Variants in MINDY3 observed in about 807,000 individuals in gnomAD.
MINDY3 encodes the protein MINDY lysine 48 deubiquitinase 3.
MINDY3 carries 38 observed loss-of-function variants against 69.2 expected under a neutral mutation model. The ratio of observed to expected loss-of-function variants is 0.55; its 90% CI spans 0.42 to 0.72. The LOEUF (loss-of-function observed/expected upper bound fraction) is 0.72. Among genes scored for constraint, MINDY3 ranks in the 30% least tolerant of loss-of-function variants. The pLI is 0.00. For missense variants in MINDY3, 522 were observed against 519.0 expected, an observed-to-expected ratio of 1.01 and a Z score of -0.06; for synonymous variants, 192 against 180.1, an observed-to-expected ratio of 1.07 and a Z score of -0.53.
Position 15,845,561 on chromosome 10 carries a change from A to G in MINDY3, c.175-2289T>C, listed in dbSNP as rs527260405. Reference sequence around the variant, plus strand: ...ATTGCCCAGGTTGGAGGGCAGTGGCATGATCATAGCTCACTGCAGCCCTGA... The same window carrying G: ...ATTGCCCAGGTTGGAGGGCAGTGGCGTGATCATAGCTCACTGCAGCCCTGA... On this transcript the variant is annotated intron_variant, in intron 2 of 14. Coordinates refer to ENST00000277632, the MANE Select transcript of MINDY3 (RefSeq NM_024948.4). Among the ~76,000 whole-genome samples, 53 of 152,144 alleles carry G rather than the reference A, an allele frequency of 3.5e-4. No homozygotes were observed. In the Middle Eastern group the frequency reaches 0.01, roughly 29 times the overall value.
intron 14 of MINDY3, among the ~76,000 whole-genome samples, 158 bp downstream of exon 14, chr10:15,781,997 A>C (rs1423513971): frequency 2.0e-5 from 3 of 152,194 alleles, no homozygotes; most frequent in African/African-American, 4.8e-5. Flanking sequence ...TATACTGGTC[A>C]AATCCAAAGA....
intron 7 of MINDY3, among the ~76,000 whole-genome samples, 196 bp from the exon 8 acceptor site, chr10:15,833,905 T>G (rs1055007934): frequency 1.3e-5 from 2 of 152,114 alleles, no homozygotes; most frequent in Non-Finnish European, 2.9e-5. Context: ...CACAGTGGTA[T>G]TTATTGTTCT....
At chr10:15,797,534 G>T (rs1207562061) in intron 10 of MINDY3, among the ~76,000 whole-genome samples, 2 of 151,952 alleles carry the variant, frequency 1.3e-5, no homozygotes, top group Non-Finnish European at 2.9e-5. Flanking sequence ...CCCTTGAATT[G>T]TATCTAGTCT....
At chr10:15,823,966 C>T (rs550819279) in intron 8 of MINDY3, among the ~76,000 whole-genome samples, 8 of 152,268 alleles carry the variant, frequency 5.3e-5, no homozygotes, top group African/African-American at 1.9e-4. Flanking sequence ...ACGTATACTG[C>T]AAATAACAGG....
At chr10:15,821,572 T>C in intron 9 of MINDY3, 84 bp downstream of exon 9, 1 of 996,792 alleles carries the variant, frequency 1.0e-6, no homozygotes, top group Non-Finnish European at 1.5e-6. Context: ...TGTGCTCAAA[T>C]GTGCTGTCAG....
chr10:15,802,249 T>G (rs1489911856), intron 10 of MINDY3, among the ~76,000 whole-genome samples: 1 of 152,110 alleles, frequency 6.6e-6, no homozygotes, highest in Non-Finnish European at 1.5e-5. Flanking sequence ...AAAAACGAAC[T>G]GCATTAGTCT....
intron 5 of MINDY3, 172 bp from the exon 6 acceptor site, chr10:15,837,490 T>G (rs889887224): frequency 2.1e-6 from 3 of 1,414,282 alleles, no homozygotes. Flanking sequence ...CAAAAGCTAT[T>G]TCTGACAACT....
At chr10:15,856,105 G>A (rs375616136) in intron 1 of MINDY3, among the ~76,000 whole-genome samples, 4 of 152,010 alleles carry the variant, frequency 2.6e-5, no homozygotes, top group Admixed American at 6.6e-5. Flanking sequence ...ACTTTTAAAC[G>A]ATGTGATCCA....
rs55857382 is a variant in MINDY3 at position 15,781,967 on chromosome 10, G to C, written c.1188+188C>G. Among the ~76,000 whole-genome samples the C allele has an allele frequency of 3.1e-3, 473 of 152,226 alleles. 1 individual carries two copies. Among genetic ancestry groups the C allele is most frequent in the African/African-American group, 0.011 (438 of 41,544 alleles). ...ACTACTGCTCTGAAGTCCAATGTCA[G>C]TTTCCAATGCAGACTAACATATACT... is the stretch of plus-strand genomic sequence containing the variant. On this transcript the variant is annotated intron_variant, in intron 14 of 14. Transcript: ENST00000277632.
chr10:15,790,416 A>G (rs1052983995), intron 11 of MINDY3, among the ~76,000 whole-genome samples: 9 of 152,230 alleles, frequency 5.9e-5, no homozygotes, highest in African/African-American at 2.2e-4. Context: ...CCAGTTTGTT[A>G]AGTTACCAAT....
At chr10:15,855,228 T>C (rs1834605609) in intron 1 of MINDY3, among the ~76,000 whole-genome samples, 1 of 152,108 alleles carries the variant, frequency 6.6e-6, no homozygotes, top group African/African-American at 2.4e-5. Flanking sequence ...TGTTTGAGTG[T>C]GTTAACTGAT....
intron 8 of MINDY3, among the ~76,000 whole-genome samples, chr10:15,823,300 C>A (rs1242721462): frequency 1.3e-5 from 2 of 152,170 alleles, no homozygotes; most frequent in Non-Finnish European, 2.9e-5. Context: ...ACAAGACCCT[C>A]TTAGAGACTA....
chr10:15,810,713 CA>C (rs1838940237), intron 10 of MINDY3, among the ~76,000 whole-genome samples: 1 of 152,082 alleles, frequency 6.6e-6, no homozygotes, highest in Non-Finnish European at 1.5e-5. Context: ...ACCTGGCAAA[CA>C]GTAGGTGACA....
intron 11 of MINDY3, among the ~76,000 whole-genome samples, chr10:15,793,738 C>CA (rs1384666356): frequency 6.6e-6 from 1 of 151,986 alleles, no homozygotes; most frequent in Non-Finnish European, 1.5e-5. Flanking sequence ...CTCCAAAGAA[C>CA]AAAAACAAGG....
At chr10:15,819,276 C>G (rs10795321) in intron 9 of MINDY3, among the ~76,000 whole-genome samples, 58,199 of 152,014 alleles carry the variant, frequency 0.38, 13,424 homozygotes, top group African/African-American at 0.66. Flanking sequence ...CCAAGCATCT[C>G]ATAGAAAGTA....
chr10:15,823,881 A>G (rs1219540549), intron 8 of MINDY3, among the ~76,000 whole-genome samples: 3 of 152,214 alleles, frequency 2.0e-5, no homozygotes, highest in Non-Finnish European at 4.4e-5. Context: ...GATCCCACAT[A>G]TAAGTAAGAG....
intron 2 of MINDY3, among the ~76,000 whole-genome samples, chr10:15,847,063 T>A (rs978761320): frequency 1.3e-5 from 2 of 152,182 alleles, no homozygotes; most frequent in African/African-American, 4.8e-5. Flanking sequence ...AAATGCCACA[T>A]TAAATATATA....
intron 8 of MINDY3, among the ~76,000 whole-genome samples, chr10:15,831,589 A>C (rs1316454226): frequency 1.3e-5 from 2 of 152,230 alleles, no homozygotes; most frequent in East Asian, 1.9e-4. Flanking sequence ...GTACATCTCA[A>C]GAACCGAAAC....
chr10:15,839,632 GA>G (rs375156250), intron 4 of MINDY3, among the ~76,000 whole-genome samples: 2 of 151,362 alleles, frequency 1.3e-5, no homozygotes, highest in Non-Finnish European at 3.0e-5. Flanking sequence ...CAGGGATGGT[GA>G]AAAAATATAA....
Sources: gnomAD v4.1 joint callset for allele counts (sites outside exome capture counted in the v4.1 genomes callset) on GRCh38, gnomAD v4.1.1 for gene constraint, MANE v1.5 for transcripts, NCBI Gene and HGNC (gene_info 2026-07-23, HGNC 2026-07-21) for gene names.